Variants in VPS13B observed in about 807,000 individuals in gnomAD.
The protein encoded by VPS13B is vacuolar protein sorting 13 homolog B.
A neutral mutation model predicts 426.4 loss-of-function variants in VPS13B; 285 were observed. That is an observed-to-expected ratio of 0.67 (90% CI 0.61 to 0.74). The LOEUF is 0.74. VPS13B is among the 30% of genes least tolerant of loss of function. The pLI, the probability that VPS13B is intolerant of heterozygous loss-of-function variation, is 0.00. For synonymous variants in VPS13B, 1,676 were observed against 1,676.4 expected, an observed-to-expected ratio of 1.00 and a Z score of 0.01; for missense variants, 4,537 against 4,782.6, an observed-to-expected ratio of 0.95 and a Z score of 1.51.
chr8:99,621,082 A>T (rs1828330718), intron 33 of VPS13B, among the ~76,000 whole-genome samples: 1 of 151,304 alleles, frequency 6.6e-6, no homozygotes, highest in Admixed American at 6.6e-5. Context: ...AGACTCCTTT[A>T]GTTAGGGTTA....
chr8:99,359,101 A>G (rs1402543916), intron 19 of VPS13B, among the ~76,000 whole-genome samples: 1 of 152,152 alleles, frequency 6.6e-6, no homozygotes, highest in Non-Finnish European at 1.5e-5. Flanking sequence ...TTTAGAAATT[A>G]GTATTTAAGT....
chr8:99,479,548 C>T (rs764921840), intron 24 of VPS13B, among the ~76,000 whole-genome samples: 14 of 152,160 alleles, frequency 9.2e-5, no homozygotes, highest in Non-Finnish European at 1.6e-4. Context: ...CATGAAACTA[C>T]GCCCACAATC....
At chr8:99,665,298 G>C (rs1468713174) in intron 35 of VPS13B, among the ~76,000 whole-genome samples, 1 of 152,058 alleles carries the variant, frequency 6.6e-6, no homozygotes, top group Non-Finnish European at 1.5e-5. Flanking sequence ...AGTTTCTTTT[G>C]TTGTGCAGAA....
intron 23 of VPS13B, among the ~76,000 whole-genome samples, chr8:99,455,573 T>G (rs1818410509): frequency 6.6e-6 from 1 of 152,134 alleles, no homozygotes; most frequent in South Asian, 2.1e-4. Flanking sequence ...CATAATAAAG[T>G]TTTAGAACAT....
Position 99,717,352 on chromosome 8 carries a change from C to G in VPS13B, c.6636C>G (p.Asp2212Glu), listed in dbSNP as rs750393129. Residue 2212 changes from aspartate to glutamate, a missense_variant, in exon 37 of 62, where the codon GAC becomes GAG. This residue lies in a region of VPS13B where 4,311 missense variants were observed against 4,474.3 expected (regional missense o/e 0.96). Coordinates refer to ENST00000357162, the MANE Select transcript of VPS13B (RefSeq NM_152564.5). Reference sequence around the variant, plus strand: ...AATCCATACCAAAAATATCCATTGACTTAAGAGGAGGTCTACTACAGGTCT... The same window carrying G: ...AATCCATACCAAAAATATCCATTGAGTTAAGAGGAGGTCTACTACAGGTCT... The part of the protein sequence containing the change: ...PEQSIPKISI[D>E]LRGGLLQVFW... 1 of 1,613,938 alleles carries G rather than the reference C, an allele frequency of 6.2e-7. No homozygotes were observed. Among genetic ancestry groups the G allele is most frequent in the Non-Finnish European group, 8.5e-7 (1 of 1,179,928 alleles).
intron 8 of VPS13B, among the ~76,000 whole-genome samples, chr8:99,128,694 G>T (rs1431403320): frequency 6.6e-6 from 1 of 151,888 alleles, no homozygotes; most frequent in African/African-American, 2.4e-5. Context: ...AGTGGTATAG[G>T]TATTATTCCA....
intron 19 of VPS13B, among the ~76,000 whole-genome samples, chr8:99,305,844 A>G (rs1820608915): frequency 6.6e-6 from 1 of 152,092 alleles, no homozygotes; most frequent in South Asian, 2.1e-4. Flanking sequence ...CCCGTTTGAC[A>G]TTAGCCACTC....
chr8:99,099,811 T>C (rs74908588), intron 4 of VPS13B, among the ~76,000 whole-genome samples: 2,134 of 152,270 alleles, frequency 0.014, 51 homozygotes, highest in African/African-American at 0.047. Flanking sequence ...GGCCTGTGGA[T>C]ATAGATGTAT....
intron 39 of VPS13B, among the ~76,000 whole-genome samples, chr8:99,764,623 T>G (rs1811116426): frequency 6.6e-6 from 1 of 151,908 alleles, no homozygotes; most frequent in Non-Finnish European, 1.5e-5. Context: ...ACCTTGTTGA[T>G]CAGGCTGGTC....
At chr8:99,520,243 T>C (rs1274713597) in intron 29 of VPS13B, among the ~76,000 whole-genome samples, 1 of 152,102 alleles carries the variant, frequency 6.6e-6, no homozygotes, top group East Asian at 1.9e-4. Context: ...AATTTTACAG[T>C]AGAAGTTATT....
intron 2 of VPS13B, among the ~76,000 whole-genome samples, chr8:99,036,391 G>A (rs1211973140): frequency 6.6e-6 from 1 of 152,092 alleles, no homozygotes; most frequent in Non-Finnish European, 1.5e-5. Flanking sequence ...TTAAGTTGTA[G>A]ACATATATTT....
At chr8:99,665,069 T>C (rs1194619830) in intron 35 of VPS13B, among the ~76,000 whole-genome samples, 1 of 152,270 alleles carries the variant, frequency 6.6e-6, no homozygotes, top group African/African-American at 2.4e-5. Flanking sequence ...TGATGGCCAA[T>C]GATGATGAGC....
At chr8:99,228,246 G>T (rs535030349) in intron 17 of VPS13B, among the ~76,000 whole-genome samples, 1 of 151,970 alleles carries the variant, frequency 6.6e-6, no homozygotes, top group Non-Finnish European at 1.5e-5. Flanking sequence ...TTTTTTCATG[G>T]ATTACTTTTA....
At chr8:99,700,039 G>T (rs1832201881) in intron 36 of VPS13B, 107 bp downstream of exon 36, 1 of 1,366,278 alleles carries the variant, frequency 7.3e-7, no homozygotes, top group Non-Finnish European at 9.9e-7. Context: ...GTTAAAAGTT[G>T]TAAAGGCCAT....
chr8:99,308,798 CA>C lies in VPS13B; in HGVS notation c.2824+33545del, dbSNP rs1820788053. Among the ~76,000 whole-genome samples, 4 of 152,196 alleles carry C rather than the reference CA, an allele frequency of 2.6e-5. No homozygotes were observed. The South Asian group carries it at 8.3e-4, about 31-fold the overall frequency. On this transcript the variant is annotated intron_variant, in intron 19 of 61. Transcript: ENST00000357162. The stretch of plus-strand genomic sequence containing the variant: ...TTGAACTAGTTTACAGTGCCACCAA[CA>C]GTGTAAAAGTGTTCCTATTTCTCCA...
At chr8:99,138,193 C>A (rs116386069) in intron 12 of VPS13B, among the ~76,000 whole-genome samples, 1 of 152,266 alleles carries the variant, frequency 6.6e-6, no homozygotes, top group East Asian at 1.9e-4. Context: ...GCGTCATGAT[C>A]TCGGCTCACT....
intron 14 of VPS13B, among the ~76,000 whole-genome samples, chr8:99,150,420 T>G (rs1811006645): frequency 6.6e-6 from 1 of 152,204 alleles, no homozygotes; most frequent in Non-Finnish European, 1.5e-5. Context: ...CAGTTTACAT[T>G]AGGGTTCACT....
In VPS13B at chr8:99,699,797, CA is replaced by C; in HGVS notation, c.6325del (p.Ile2109PhefsTer9). The C allele has an allele frequency of 6.2e-7, 1 of 1,613,562 alleles. No individual in the cohort carries two copies. The highest frequency in any genetic ancestry group is 8.5e-7 in the Non-Finnish European group (1 of 1,179,838). ...ENMWRAVSCF[Q>X]KISVQTTQIV... is the part of the protein sequence containing the mutation. Reference sequence around the variant, plus strand: ...CATGTGGAGAGCTGTTTCCTGCTTTCAAAAAATTTCTGTTCAAACTACTCAG... The same window carrying C: ...CATGTGGAGAGCTGTTTCCTGCTTTCAAAAATTTCTGTTCAAACTACTCAG... On this transcript the variant is annotated frameshift_variant, in exon 36 of 62. Transcript: ENST00000357162. LOFTEE classifies it high-confidence loss of function.
intron 19 of VPS13B, among the ~76,000 whole-genome samples, chr8:99,315,080 A>G (rs1046403951): frequency 6.6e-6 from 1 of 152,020 alleles, no homozygotes; most frequent in Non-Finnish European, 1.5e-5. Context: ...GCCAGTCCAT[A>G]TTTTTTAAGT....
Sources: allele counts gnomAD v4.1 joint callset (sites outside exome capture counted in the v4.1 genomes callset), GRCh38; gene constraint gnomAD v4.1.1; regional missense constraint gnomAD v4.1.1; transcripts MANE v1.5; gene names NCBI Gene and HGNC (gene_info 2026-07-23, HGNC 2026-07-21).